RGS6: variants seen among roughly 807,000 people sequenced by gnomAD.
RGS6 encodes the protein regulator of G protein signaling 6.
A neutral mutation model predicts 78.5 loss-of-function variants in RGS6; 30 were observed. The observed-to-expected ratio is 0.38, with a 90% CI of 0.29 to 0.52. RGS6 has a LOEUF of 0.52. RGS6 is among the 20% of genes least tolerant of loss of function. RGS6 has a pLI of 0.85. For synonymous variants in RGS6, 206 were observed against 206.0 expected, an observed-to-expected ratio of 1.00 and a Z score of 0.00; for missense variants, 495 against 609.7, an observed-to-expected ratio of 0.81 and a Z score of 1.98.
intron 2 of RGS6, among the ~76,000 whole-genome samples, chr14:72,005,351 TATTTA>T (rs2084303748): frequency 6.6e-6 from 1 of 152,184 alleles, no homozygotes; most frequent in Non-Finnish European, 1.5e-5. Context: ...TATTACATGT[TATTTA>T]ATTATGTGTT....
chr14:71,874,854 G>C, the RGS6 span, among the ~76,000 whole-genome samples: 1 of 152,128 alleles, frequency 6.6e-6, no homozygotes, highest in Non-Finnish European at 1.5e-5. Flanking sequence ...TAGCATGAAG[G>C]GCTGTTGAAT....
chr14:72,365,910 G>C (rs2152812384), intron 3 of RGS6, among the ~76,000 whole-genome samples: 1 of 152,222 alleles, frequency 6.6e-6, no homozygotes, highest in African/African-American at 2.4e-5. Flanking sequence ...CTAAGCTTGA[G>C]GTTTTGAAGG....
At chr14:72,477,095 C>T (rs556719727) in intron 11 of RGS6, 29 of 448,208 alleles carry the variant, frequency 6.5e-5, no homozygotes, top group Middle Eastern at 6.4e-4. Flanking sequence ...CTTGGGGTAA[C>T]TGCTGTAATG....
chr14:72,109,676 A>G (rs1030259178), intron 2 of RGS6, among the ~76,000 whole-genome samples: 1 of 152,212 alleles, frequency 6.6e-6, no homozygotes, highest in African/African-American at 2.4e-5. Flanking sequence ...CATGCTTTAG[A>G]TTGACTTACA....
chr14:72,615,702 G>A, the RGS6 span, among the ~76,000 whole-genome samples: 1 of 152,248 alleles, frequency 6.6e-6, no homozygotes, highest in Non-Finnish European at 1.5e-5. Flanking sequence ...AGGGACAGGA[G>A]CAGGGGAGCC....
At chr14:72,162,468 GGTT>G (rs2096865969) in intron 2 of RGS6, among the ~76,000 whole-genome samples, 1 of 152,128 alleles carries the variant, frequency 6.6e-6, no homozygotes, top group Non-Finnish European at 1.5e-5. Context: ...AGGATGATGG[GGTT>G]GGGCATGTGA....
intron 2 of RGS6, among the ~76,000 whole-genome samples, chr14:72,308,365 CT>C (rs1485304554): frequency 1.3e-5 from 2 of 152,212 alleles, no homozygotes; most frequent in South Asian, 2.1e-4. Flanking sequence ...CCAAAGCCCC[CT>C]GTGATCATCT....
chr14:71,911,356 G>C, the RGS6 span, among the ~76,000 whole-genome samples: 2 of 152,160 alleles, frequency 1.3e-5, no homozygotes, highest in African/African-American at 4.8e-5. Flanking sequence ...CCATTTGCCA[G>C]GATGGGCAAG....
chr14:72,250,600 G>T (rs1255220539), intron 2 of RGS6, among the ~76,000 whole-genome samples: 2 of 124,070 alleles, frequency 1.6e-5, no homozygotes, highest in Non-Finnish European at 3.9e-5. Context: ...ATATAGACCA[G>T]TGGGTTTCAA....
At chr14:72,533,808 T>C (rs1256939583) in intron 15 of RGS6, among the ~76,000 whole-genome samples, 1 of 152,218 alleles carries the variant, frequency 6.6e-6, no homozygotes, top group Non-Finnish European at 1.5e-5. Flanking sequence ...TACAACTTCA[T>C]AATAAAACTT....
intron 2 of RGS6, among the ~76,000 whole-genome samples, chr14:72,048,389 A>ATT (rs2093014954): frequency 6.6e-6 from 1 of 152,162 alleles, no homozygotes; most frequent in Non-Finnish European, 1.5e-5. Context: ...ATCTATGCTA[A>ATT]CGCCTTCTAG....
intron 2 of RGS6, among the ~76,000 whole-genome samples, chr14:72,133,063 C>T (rs1434147299): frequency 2.6e-5 from 4 of 152,088 alleles, no homozygotes; most frequent in African/African-American, 4.8e-5. Flanking sequence ...AAGAAGGAAA[C>T]TGGGGGGCCG....
chr14:72,291,891 G>A (rs2152331330), intron 2 of RGS6, among the ~76,000 whole-genome samples: 1 of 152,304 alleles, frequency 6.6e-6, no homozygotes, highest in South Asian at 2.1e-4. Context: ...CTCCTTTAGA[G>A]CTGGTCCCTT....
At chr14:72,457,819 G>A (rs530832232) in intron 4 of RGS6, among the ~76,000 whole-genome samples, 14 of 152,286 alleles carry the variant, frequency 9.2e-5, no homozygotes, top group African/African-American at 3.1e-4. Context: ...AACGCACTGG[G>A]AGTCCTACGT....
chr14:72,062,682 ATGT>A (rs1192419625), intron 2 of RGS6, among the ~76,000 whole-genome samples: 7 of 152,304 alleles, frequency 4.6e-5, no homozygotes, highest in East Asian at 1.9e-4. Flanking sequence ...AATGTTCAAG[ATGT>A]TGTTACCTAT....
chr14:72,215,979 T>C (rs905505898), intron 2 of RGS6, among the ~76,000 whole-genome samples: 3 of 152,224 alleles, frequency 2.0e-5, no homozygotes, highest in African/African-American at 4.8e-5. Context: ...CTCCCTCACC[T>C]TCCTAGGTCG....
intron 2 of RGS6, among the ~76,000 whole-genome samples, chr14:72,211,348 A>G (rs973172900): frequency 6.6e-6 from 1 of 152,204 alleles, no homozygotes; most frequent in Non-Finnish European, 1.5e-5. Context: ...CTTGAAGGTT[A>G]TTAGTGACCT....
chr14:72,130,707 A>G (rs974406714), intron 2 of RGS6, among the ~76,000 whole-genome samples: 19 of 152,216 alleles, frequency 1.2e-4, no homozygotes, highest in Non-Finnish European at 2.5e-4. Context: ...CTGCAGACTC[A>G]AGCAAAATAG....
At chr14:72,035,436 T>G (rs1267585408) in intron 2 of RGS6, among the ~76,000 whole-genome samples, 1 of 152,142 alleles carries the variant, frequency 6.6e-6, no homozygotes, top group Non-Finnish European at 1.5e-5. Flanking sequence ...ATTTTTGTTG[T>G]TTTTTTCTAT....
Sources: gnomAD v4.1 joint callset for allele counts (sites outside exome capture counted in the v4.1 genomes callset) on GRCh38, gnomAD v4.1.1 for gene constraint, MANE v1.5 for transcripts, NCBI Gene and HGNC (gene_info 2026-07-23, HGNC 2026-07-21) for gene names.